The following CXCL13 variants were observed in gnomAD, a reference collection of about 807,000 sequenced individuals.
CXCL13 encodes C-X-C motif chemokine ligand 13.
A neutral mutation model predicts 12.2 loss-of-function variants in CXCL13; 7 were observed. The observed-to-expected ratio is 0.57, with a 90% CI of 0.33 to 1.07. CXCL13 has a LOEUF of 1.07. Among genes scored for constraint, CXCL13 ranks in the 50% least tolerant of loss-of-function variants. CXCL13 has a pLI of 0.04. For synonymous variants in CXCL13, 47 were observed against 42.4 expected, an observed-to-expected ratio of 1.11 and a Z score of -0.42; for missense variants, 113 against 127.4, an observed-to-expected ratio of 0.89 and a Z score of 0.55.
At chr4:77,570,730 G>A (rs1369841271) in intron 1 of CXCL13, among the ~76,000 whole-genome samples, 4 of 152,198 alleles carry the variant, frequency 2.6e-5, no homozygotes, top group East Asian at 1.9e-4. Context: ...TTCTGGGTGG[G>A]CGTGGGCTTG....
At chr4:77,544,123 C>T (rs144599020) in intron 1 of CXCL13, among the ~76,000 whole-genome samples, 4 of 152,120 alleles carry the variant, frequency 2.6e-5, no homozygotes, top group Admixed American at 6.5e-5. Flanking sequence ...ACATGTGCAA[C>T]ATTTTCTTAA....
chr4:77,607,128 C>T (rs1203060582), intron 1 of CXCL13, among the ~76,000 whole-genome samples: 1 of 152,118 alleles, frequency 6.6e-6, no homozygotes, highest in East Asian at 1.9e-4. Context: ...TTATTGCTCC[C>T]AGGACTCTTG....
At chr4:77,564,513 C>T (rs763890119) in intron 1 of CXCL13, among the ~76,000 whole-genome samples, 2 of 152,146 alleles carry the variant, frequency 1.3e-5, no homozygotes, top group African/African-American at 2.4e-5. Flanking sequence ...TGATGATATC[C>T]AGCATTTACC....
At chr4:77,549,541 A>G (rs1173072355) in intron 1 of CXCL13, among the ~76,000 whole-genome samples, 2 of 152,120 alleles carry the variant, frequency 1.3e-5, no homozygotes, top group Admixed American at 1.3e-4. Flanking sequence ...TCTTTTGTTG[A>G]TGTTGGTGCT....
At chr4:77,602,286 G>C (rs1199055697), upstream of CXCL13, among the ~76,000 whole-genome samples, 1 of 152,182 alleles carries the variant, frequency 6.6e-6, no homozygotes, top group Non-Finnish European at 1.5e-5. Flanking sequence ...AGTGAGTACT[G>C]ACATCTACAG....
At chr4:77,563,326 G>A (rs762033622) in intron 1 of CXCL13, among the ~76,000 whole-genome samples, 12 of 152,172 alleles carry the variant, frequency 7.9e-5, no homozygotes, top group East Asian at 1.9e-4. Flanking sequence ...CTCCCTTGGC[G>A]CTCAGGTGAG....
intron 1 of CXCL13, among the ~76,000 whole-genome samples, chr4:77,539,562 T>A (rs541579891): frequency 1.3e-5 from 2 of 152,338 alleles, no homozygotes; most frequent in East Asian, 3.9e-4. Flanking sequence ...GAATGCACAG[T>A]GTGTTTACTG....
chr4:77,608,614 T>C (rs1727064460), intron 2 of CXCL13, among the ~76,000 whole-genome samples: 1 of 152,198 alleles, frequency 6.6e-6, no homozygotes. Context: ...TTTAGATTTT[T>C]GCAATGTTTG....
intron 1 of CXCL13, among the ~76,000 whole-genome samples, chr4:77,554,232 T>C (rs556498770): frequency 6.6e-6 from 1 of 151,956 alleles, no homozygotes; most frequent in Non-Finnish European, 1.5e-5. Flanking sequence ...TATTATTATA[T>C]AATAAAATAA....
chr4:77,531,671 G>T (rs984855125), intron 1 of CXCL13, among the ~76,000 whole-genome samples: 5 of 152,090 alleles, frequency 3.3e-5, no homozygotes, highest in Non-Finnish European at 7.4e-5. Context: ...TTATTATTGT[G>T]TGGGAGTCTA....
chr4:77,547,486 A>G (rs1203506566), intron 1 of CXCL13, among the ~76,000 whole-genome samples: 19 of 152,158 alleles, frequency 1.2e-4, no homozygotes, highest in Admixed American at 9.8e-4. Flanking sequence ...CCATTATGTA[A>G]TGACCTTCTT....
At chr4:77,576,207 A>G (rs1481659717) in intron 1 of CXCL13, among the ~76,000 whole-genome samples, 1 of 149,498 alleles carries the variant, frequency 6.7e-6, no homozygotes, top group Non-Finnish European at 1.5e-5. Flanking sequence ...AAGCAAAACT[A>G]GAGTTAACTG....
chr4:77,537,317 T>G (rs1725083521), intron 1 of CXCL13, among the ~76,000 whole-genome samples: 1 of 152,060 alleles, frequency 6.6e-6, no homozygotes, highest in Non-Finnish European at 1.5e-5. Context: ...GTGTGTGGCA[T>G]TAGTTGTAGA....
upstream of CXCL13, among the ~76,000 whole-genome samples, chr4:77,601,035 C>T (rs557316106): frequency 3.3e-5 from 5 of 152,314 alleles, no homozygotes; most frequent in South Asian, 8.3e-4. Context: ...CCTTTTCCTT[C>T]CCGCAAACTG....
intron 1 of CXCL13, among the ~76,000 whole-genome samples, chr4:77,537,756 C>T (rs1398370221): frequency 6.6e-6 from 1 of 152,134 alleles, no homozygotes; most frequent in African/African-American, 2.4e-5. Context: ...CATAATGACT[C>T]TTCCTCCATT....
At chr4:77,532,741 A>AT (rs896054018) in intron 1 of CXCL13, among the ~76,000 whole-genome samples, 15 of 152,004 alleles carry the variant, frequency 9.9e-5, no homozygotes, top group African/African-American at 3.6e-4. Context: ...TGCTTTGTTC[A>AT]TTTCTTTTTA....
chr4:77,575,793 T>G (rs1446645111), intron 1 of CXCL13, among the ~76,000 whole-genome samples: 1 of 151,868 alleles, frequency 6.6e-6, no homozygotes, highest in African/African-American at 2.4e-5. Context: ...TTACCTGGCA[T>G]GTTTAGGTAC....
At chr4:77,541,308 T>C (rs1041182903) in intron 1 of CXCL13, among the ~76,000 whole-genome samples, 1 of 152,182 alleles carries the variant, frequency 6.6e-6, no homozygotes, top group African/African-American at 2.4e-5. Context: ...CTTGGAGGAC[T>C]TAGTCATAAG....
intron 2 of CXCL13, among the ~76,000 whole-genome samples, chr4:77,609,306 T>G (rs115412904): frequency 0.037 from 5,568 of 151,158 alleles, 318 homozygotes; most frequent in African/African-American, 0.12. Context: ...TTGGGTTTTT[T>G]TTTTGTTTTG....
Sources: allele counts gnomAD v4.1 joint callset (sites outside exome capture counted in the v4.1 genomes callset), GRCh38; gene constraint gnomAD v4.1.1; transcripts MANE v1.5; gene names NCBI Gene and HGNC (gene_info 2026-07-23, HGNC 2026-07-21).